The following USO1 variants were observed in gnomAD, a reference collection of about 807,000 sequenced individuals.
USO1 encodes USO1 vesicle transport factor.
USO1 carries 57 observed loss-of-function variants against 124.5 expected under a neutral mutation model. The ratio of observed to expected loss-of-function variants is 0.46; its 90% CI spans 0.37 to 0.57. The LOEUF (loss-of-function observed/expected upper bound fraction) is 0.57. Ranked by LOEUF, USO1 falls within the 20% of genes least tolerant of loss-of-function variation. The pLI is 0.00. For synonymous variants in USO1, 369 were observed against 362.8 expected, an observed-to-expected ratio of 1.02 and a Z score of -0.19; for missense variants, 900 against 1,040.6, an observed-to-expected ratio of 0.86 and a Z score of 1.86.
At chr4:75,767,335 CT>C (rs552092601) in intron 4 of USO1, among the ~76,000 whole-genome samples, 3 of 152,194 alleles carry the variant, frequency 2.0e-5, no homozygotes, top group Non-Finnish European at 4.4e-5. Flanking sequence ...TAGATACCCC[CT>C]AACACATACA....
intron 1 of USO1, among the ~76,000 whole-genome samples, chr4:75,732,943 T>C: frequency 7.1e-6 from 1 of 140,304 alleles, no homozygotes; most frequent in Non-Finnish European, 1.5e-5. Flanking sequence ...TTAAGCTTCA[T>C]GAAGGTAAGG....
intron 3 of USO1, 31 bp from the exon 4 acceptor site, chr4:75,757,466 G>C (rs771512450): frequency 2.1e-6 from 3 of 1,448,968 alleles, no homozygotes; most frequent in South Asian, 2.8e-5. Flanking sequence ...CTCATCAGCA[G>C]TGTATAAGTG....
intron 8 of USO1, 64 bp from the exon 9 acceptor site, chr4:75,782,616 T>C (rs763337027): frequency 1.6e-5 from 24 of 1,489,670 alleles, no homozygotes; most frequent in Non-Finnish European, 2.0e-5. Context: ...TTTTTAAAAA[T>C]GTTTGGGAGT....
At chr4:75,754,408 T>C (rs531033627) in intron 3 of USO1, among the ~76,000 whole-genome samples, 6 of 152,330 alleles carry the variant, frequency 3.9e-5, no homozygotes, top group South Asian at 2.1e-4. Context: ...AGAGATTTTA[T>C]CTCCATCTTT....
At chr4:75,767,591 A>G in intron 4 of USO1, 4 of 284,284 alleles carry the variant, frequency 1.4e-5, no homozygotes, top group Non-Finnish European at 2.8e-5. Flanking sequence ...AAACGTAGAA[A>G]AAATTAGCCG....
At chr4:75,755,228 A>G (rs1277353934) in intron 3 of USO1, among the ~76,000 whole-genome samples, 1 of 152,226 alleles carries the variant, frequency 6.6e-6, no homozygotes, top group Admixed American at 6.5e-5. Context: ...AAGCAGGTTA[A>G]TAAGTACAGC....
intron 4 of USO1, chr4:75,760,615 T>A: frequency 2.5e-6 from 1 of 398,080 alleles, no homozygotes; most frequent in Admixed American, 4.4e-5. Context: ...GGTAAAAGAT[T>A]GCATTTACAT....
At chr4:75,729,018 G>T (rs574069068) in intron 1 of USO1, among the ~76,000 whole-genome samples, 1 of 152,048 alleles carries the variant, frequency 6.6e-6, no homozygotes, top group Non-Finnish European at 1.5e-5. Context: ...GGATGGTCTC[G>T]ATCTCCTGAC....
chr4:75,788,267 G>A (rs554301463), intron 10 of USO1, among the ~76,000 whole-genome samples: 12 of 149,520 alleles, frequency 8.0e-5, no homozygotes, highest in African/African-American at 2.7e-4. Context: ...TTCCGGGTTC[G>A]AGCAATTCTC....
chr4:75,764,875 A>T (rs988517676), intron 4 of USO1, among the ~76,000 whole-genome samples: 2 of 152,116 alleles, frequency 1.3e-5, no homozygotes, highest in Non-Finnish European at 2.9e-5. Flanking sequence ...CAATACCTGG[A>T]TCTGCATTCC....
At chr4:75,790,900 T>C in intron 12 of USO1, 103 bp downstream of exon 12, 2 of 1,283,312 alleles carry the variant, frequency 1.6e-6, no homozygotes, top group Non-Finnish European at 2.0e-6. Flanking sequence ...ATACTTTGCA[T>C]GCTTAGGAGA....
chr4:75,761,910 C>A (rs532131527), intron 4 of USO1, among the ~76,000 whole-genome samples: 1 of 152,158 alleles, frequency 6.6e-6, no homozygotes, highest in East Asian at 1.9e-4. Flanking sequence ...TGTTTGACAT[C>A]AGATGATACC....
rs1023283180 is a variant in USO1, at chr4:75,724,664, C to A, written c.-156C>A. ...GCCGCTGCTGGCGGCTGTTTCCGGGCTTAGAGGGCTGGAGTGGCCGCCGAG... is the reference window on the plus strand; with the variant it reads ...GCCGCTGCTGGCGGCTGTTTCCGGGATTAGAGGGCTGGAGTGGCCGCCGAG... On this transcript the variant is annotated 5_prime_UTR_variant, in exon 1 of 24. Coordinates refer to ENST00000514213, the MANE Select transcript of USO1 (RefSeq NM_003715.4). 8.8e-6 allele frequency: 6 copies of A among 684,406 alleles called. No homozygotes were observed. The highest frequency in any genetic ancestry group is 7.6e-5 in the South Asian group (4 of 52,324). The allele number at this position is 684,406 out of a possible 1,614,324, so 42.4% of individuals were successfully genotyped here.
At position 75,787,211 on chromosome 4, in the gene USO1, A is replaced by G; in HGVS notation, c.996+9A>G. 2 of 1,499,928 alleles carry G rather than the reference A, an allele frequency of 1.3e-6. No individual in the cohort carries two copies. Among genetic ancestry groups the G allele is most frequent in the Non-Finnish European group, 1.8e-6 (2 of 1,126,932 alleles). The allele number at this position is 1,499,928 out of a possible 1,614,324, so 92.9% of individuals were successfully genotyped here. A position where few individuals can be genotyped will look rare whatever the true frequency, so the allele number is the denominator to read the frequency against. On this transcript the variant is annotated intron_variant, in intron 10 of 23. Coordinates refer to ENST00000514213, the MANE Select transcript of USO1 (RefSeq NM_003715.4). ...CTGATATCCTGACTGAGGTAAAGCA[A>G]ATGAAGTCAAAGCCAACTCTGTGGA... is the stretch of plus-strand genomic sequence containing the variant.
rs563586625 is a variant in USO1 at position 75,754,366 on chromosome 4, A to C, written c.218+1762A>C. ...CCAAAGTGCTGGGATTACAGGTGTG[A>C]GCCACCACACCTGGCCCTCAATTTC... is the stretch of plus-strand genomic sequence containing the variant. On this transcript the variant is annotated intron_variant, in intron 3 of 23. Transcript: ENST00000514213. Among the ~76,000 whole-genome samples, 13 of 151,878 alleles carry C rather than the reference A, an allele frequency of 8.6e-5. No individual in the cohort carries two copies. The East Asian group carries it at 2.0e-3, about 23-fold the overall frequency.
intron 8 of USO1, among the ~76,000 whole-genome samples, chr4:75,780,044 G>A (rs1049591145): frequency 1.3e-5 from 2 of 152,090 alleles, no homozygotes; most frequent in African/African-American, 4.8e-5. Flanking sequence ...TACTCTGTCT[G>A]CCCTCTATAA....
chr4:75,742,120 G>A (rs181005796), intron 1 of USO1, among the ~76,000 whole-genome samples: 456 of 152,244 alleles, frequency 3.0e-3, no homozygotes, highest in African/African-American at 0.01. Context: ...TTTATTTTTT[G>A]TGAGTAGAAG....
intron 3 of USO1, among the ~76,000 whole-genome samples, chr4:75,756,594 C>T (rs950647496): frequency 1.3e-5 from 2 of 149,206 alleles, no homozygotes; most frequent in South Asian, 2.1e-4. Context: ...GCAACCTCTG[C>T]CTCCCAGGTT....
intron 10 of USO1, 21 bp downstream of exon 10, chr4:75,787,223 G>A: frequency 6.8e-7 from 1 of 1,469,202 alleles, no homozygotes; most frequent in Non-Finnish European, 9.0e-7. Flanking sequence ...TGAAGTCAAA[G>A]CCAACTCTGT....
Sources: allele counts gnomAD v4.1 joint callset (sites outside exome capture counted in the v4.1 genomes callset), GRCh38; gene constraint gnomAD v4.1.1; transcripts MANE v1.5; gene names NCBI Gene and HGNC (gene_info 2026-07-23, HGNC 2026-07-21).